CCL1: variants seen among roughly 807,000 people sequenced by gnomAD.
CCL1 encodes C-C motif chemokine ligand 1.
In CCL1, 9 loss-of-function variants were observed where a neutral mutation model predicts 7.5. The ratio of observed to expected loss-of-function variants is 1.20; its 90% CI spans 0.72 to 2.09. The LOEUF (loss-of-function observed/expected upper bound fraction) is 2.09, where lower values mean the gene tolerates loss of function less well. Among genes scored for constraint, CCL1 ranks in the 30% most tolerant of loss-of-function variants. CCL1 has a pLI of 0.00. For synonymous variants in CCL1, 48 were observed against 44.7 expected (o/e 1.07, Z -0.30); for missense variants, 110 against 113.7 (o/e 0.97, Z 0.15).
intron 1 of CCL1, among the ~76,000 whole-genome samples, chr17:34,362,217 T>C (rs969950498): frequency 1.3e-5 from 2 of 152,124 alleles, no homozygotes; most frequent in African/African-American, 4.8e-5. Context: ...GCTCATCCAG[T>C]TTTGGTATTT....
At position 34,360,626 on chromosome 17, in the gene CCL1, A is replaced by G; in HGVS notation, c.224T>C (p.Leu75Ser). 1.2e-6 allele frequency: 2 copies of G among 1,613,622 alleles called. No individual in the cohort carries two copies. The highest frequency in any genetic ancestry group is 1.7e-6 in the Non-Finnish European group (2 of 1,179,922). Residue 75 changes from leucine (L) to serine (S), a missense_variant, in exon 3 of 3, where the codon TTG (leucine) becomes TCG (serine). By Grantham distance (145) the Leu-to-Ser change is moderately radical. Coordinates refer to ENST00000225842, the MANE Select transcript of CCL1 (RefSeq NM_002981.2). ...KLKRGKEACA[L>S]DTVGWVQRHR... is the part of the protein sequence containing the mutation. ...CCTCTGAACCCATCCAACTGTGTCCAAGGCGCAGGCCTCTTTGCCTCTCTT... is the reference window on the plus strand; with the variant it reads ...CCTCTGAACCCATCCAACTGTGTCCGAGGCGCAGGCCTCTTTGCCTCTCTT...
At chr17:34,361,998 C>T (rs944565058) in intron 1 of CCL1, 102 bp from the exon 2 acceptor site, 15 of 727,416 alleles carry the variant, frequency 2.1e-5, no homozygotes, top group Middle Eastern at 4.9e-4. Context: ...CAGGACAAGC[C>T]CTGGCTTGGG....
At position 34,361,664 on chromosome 17, in the gene CCL1, T is replaced by A; in HGVS notation, c.188+121A>T. The A allele has an allele frequency of 7.2e-6, 5 of 691,060 alleles. 1 individual carries two copies. The South Asian group carries it at 7.9e-5, about 11-fold the overall frequency. The allele number at this position is 691,060 out of a possible 1,614,324, so 42.8% of individuals were successfully genotyped here. On this transcript the variant is annotated intron_variant, in intron 2 of 2. Coordinates refer to ENST00000225842, the MANE Select transcript of CCL1 (RefSeq NM_002981.2). ...CCAAGTGTGGCTTGCACCCAGGTGC[T>A]GGCAGCTCTGGGTTTAGAAACCTTA...
Position 34,361,795 on chromosome 17 carries a change from CATTGGAGCA to C in CCL1, c.169_177del (p.Cys57_Asn59del). The C allele has an allele frequency of 1.2e-6, 2 of 1,608,070 alleles. No individual in the cohort carries two copies. Among genetic ancestry groups the C allele is most frequent in the Non-Finnish European group, 8.5e-7 (1 of 1,174,578 alleles). ...CAGGTGATCACTTACATTAAGCCCT[CATTGGAGCA>C]GATGGAGCTGGTATTTCTGTAACAC... On this transcript the variant is annotated inframe_deletion, in exon 2 of 3. Coordinates refer to ENST00000225842, the MANE Select transcript of CCL1 (RefSeq NM_002981.2).
In CCL1 at chr17:34,361,862, A is replaced by C; in HGVS notation, c.111T>G (p.Phe37Leu). 6.2e-7 allele frequency: 1 copy of C among 1,612,974 alleles called. No individual in the cohort carries two copies. Among genetic ancestry groups the C allele is most frequent in the Non-Finnish European group, 8.5e-7 (1 of 1,178,984 alleles). ...CCCTCAGGGGAATCTCTTGCTCCGC[A>C]AATGAGAAGCAACATCTGGAGAAGG... ...QVPFSRCCFS[F>L]AEQEIPLRAI... Residue 37 changes from phenylalanine to leucine, a missense_variant, in exon 2 of 3, where the codon TTT becomes TTG. Transcript: ENST00000225842.
chr17:34,361,737 T>C (rs1176312373), intron 2 of CCL1, 48 bp downstream of exon 2: 1 of 1,213,346 alleles, frequency 8.2e-7, no homozygotes, highest in Non-Finnish European at 1.2e-6. Context: ...AATTCCAGGC[T>C]GGCGGGGTTC....
intron 1 of CCL1, among the ~76,000 whole-genome samples, chr17:34,362,459 C>A (rs555778358): frequency 2.0e-5 from 3 of 152,208 alleles, no homozygotes; most frequent in African/African-American, 7.2e-5. Flanking sequence ...CTGCCCTGGT[C>A]CTTAGCTCTT....
In CCL1 at chr17:34,361,973, CA is replaced by C. The variant is rs955103333; in HGVS notation, c.77-78del. The C allele has an allele frequency of 1.6e-4, 144 of 874,074 alleles. No homozygotes were observed. In the Admixed American group the frequency reaches 2.8e-3, roughly 17 times the overall value. The allele number at this position is 874,074 out of a possible 1,614,324, so 54.1% of individuals were successfully genotyped here. ...TGTAGCACAATTTTTAAAAAACAAA[CA>C]AAAAAACGCCTCCCAGGACAAGCCC... is the stretch of plus-strand genomic sequence containing the variant. On this transcript the variant is annotated intron_variant, in intron 1 of 2. Transcript: ENST00000225842.
chr17:34,363,229 A>G lies in CCL1; in HGVS notation c.-68T>C, dbSNP rs1910555185. On this transcript the variant is annotated 5_prime_UTR_variant, in exon 1 of 3. Coordinates refer to ENST00000225842, the MANE Select transcript of CCL1 (RefSeq NM_002981.2). ...AGCCTGGTGAAGCTAAGAGCTCACC[A>G]CTGTGCCGTCCTGCAATGCTGAGGG... 1.4e-6 allele frequency: 2 copies of G among 1,476,540 alleles called. No individual in the cohort carries two copies. Among genetic ancestry groups the G allele is most frequent in the Non-Finnish European group, 1.9e-6 (2 of 1,062,376 alleles). 91.5% of individuals were successfully genotyped at this position (1,476,540 alleles called of 1,614,324 possible).
At position 34,360,381 on chromosome 17, in the gene CCL1, T is replaced by C; in HGVS notation, c.*178A>G. ...TCTGAAATCCAAGAGACCCAGAGGG[T>C]TGGGGGTTGATGATTGTATAATTTA... On this transcript the variant is annotated 3_prime_UTR_variant, in exon 3 of 3. Coordinates refer to ENST00000225842, the MANE Select transcript of CCL1 (RefSeq NM_002981.2). 1.8e-6 allele frequency: 1 copy of C among 555,576 alleles called. No homozygotes were observed. Among genetic ancestry groups the C allele is most frequent in the Non-Finnish European group, 3.3e-6 (1 of 307,624 alleles). 34.4% of individuals were successfully genotyped at this position (555,576 alleles called of 1,614,324 possible). A position where few individuals can be genotyped will look rare whatever the true frequency, so the allele number is the denominator to read the frequency against.
chr17:34,363,102 A>G lies in CCL1; in HGVS notation c.60T>C (p.Asp20=), dbSNP rs1259353151. The G allele has an allele frequency of 1.4e-5, 22 of 1,612,972 alleles. No homozygotes were observed. The highest frequency in any genetic ancestry group is 1.6e-5 in the Non-Finnish European group (19 of 1,180,000). The part of the protein sequence containing the change: ...CLLLAGMWPE[D]VDSKSMQVPF... Reference sequence around the variant, plus strand: ...CACACTCACTGCTCTTGCTGTCCACATCTTCCGGCCACATCCCAGCTAGCA... The same window carrying G: ...CACACTCACTGCTCTTGCTGTCCACGTCTTCCGGCCACATCCCAGCTAGCA... Residue 20 remains aspartate (D), a synonymous_variant, in exon 1 of 3, where the codon GAT becomes GAC. Transcript: ENST00000225842.
intron 1 of CCL1, 90 bp from the exon 2 acceptor site, chr17:34,361,986 C>T: frequency 1.2e-6 from 1 of 826,000 alleles, no homozygotes; most frequent in Admixed American, 2.1e-5. Flanking sequence ...AAAAACGCCT[C>T]CCAGGACAAG....
At position 34,360,507 on chromosome 17, in the gene CCL1, G is replaced by A; in HGVS notation, c.*52C>T. ...GAATGGTGTAGGGCTGGTAGTTTCG[G>A]GGACAGGTGAAGCCATGTGGTTTCC... On this transcript the variant is annotated 3_prime_UTR_variant, in exon 3 of 3. Transcript: ENST00000225842. The A allele has an allele frequency of 7.3e-7, 1 of 1,366,640 alleles. No homozygotes were observed. Among genetic ancestry groups the A allele is most frequent in the Non-Finnish European group, 1.0e-6 (1 of 953,978 alleles). 84.7% of individuals were successfully genotyped at this position (1,366,640 alleles called of 1,614,324 possible).
chr17:34,362,518 A>G (rs942045701), intron 1 of CCL1, among the ~76,000 whole-genome samples: 2 of 151,834 alleles, frequency 1.3e-5, no homozygotes, highest in African/African-American at 4.8e-5. Flanking sequence ...CTCCTCCCAC[A>G]CCACATCCCG....
At chr17:34,362,016 T>C (rs1321819963) in intron 1 of CCL1, 120 bp from the exon 2 acceptor site, 1 of 616,352 alleles carries the variant, frequency 1.6e-6, no homozygotes, top group Admixed American at 2.6e-5. Context: ...GGGGACCACA[T>C]CCAGACGGTG....
chr17:34,360,731 C>G, intron 2 of CCL1, 70 bp from the exon 3 acceptor site: 1 of 1,190,822 alleles, frequency 8.4e-7, no homozygotes, highest in Non-Finnish European at 1.2e-6. Flanking sequence ...GCACAAGCCC[C>G]GCCTCCTCCG....
Position 34,363,165 on chromosome 17 carries a change from T to C in CCL1, c.-4A>G. 6.2e-7 allele frequency: 1 copy of C among 1,613,772 alleles called. No individual in the cohort carries two copies. Among genetic ancestry groups the C allele is most frequent in the Non-Finnish European group, 8.5e-7 (1 of 1,180,006 alleles). On this transcript the variant is annotated 5_prime_UTR_variant, in exon 1 of 3. Coordinates refer to ENST00000225842, the MANE Select transcript of CCL1 (RefSeq NM_002981.2). ...GGGCTGTGGTGATGATCTGCATGTC[T>C]TCTGGTCTGGCTTGGGCCTTCCTGG...
intron 1 of CCL1, among the ~76,000 whole-genome samples, chr17:34,362,592 T>G (rs147257844): frequency 4.6e-5 from 7 of 152,272 alleles, no homozygotes; most frequent in African/African-American, 1.7e-4. Context: ...CCCCCTTTCA[T>G]GCCTCTTACT....
chr17:34,360,508 G>T lies in CCL1; in HGVS notation c.*51C>A, dbSNP rs1471543392. On this transcript the variant is annotated 3_prime_UTR_variant, in exon 3 of 3. Transcript: ENST00000225842. ...AATGGTGTAGGGCTGGTAGTTTCGG[G>T]GACAGGTGAAGCCATGTGGTTTCCA... The T allele has an allele frequency of 7.3e-7, 1 of 1,372,052 alleles. No homozygotes were observed. The highest frequency in any genetic ancestry group is 1.0e-6 in the Non-Finnish European group (1 of 958,882). 85.0% of individuals were successfully genotyped at this position (1,372,052 alleles called of 1,614,324 possible).
Sources: allele counts gnomAD v4.1 joint callset (sites outside exome capture counted in the v4.1 genomes callset), GRCh38; gene constraint gnomAD v4.1.1; transcripts MANE v1.5; gene names NCBI Gene and HGNC (gene_info 2026-07-23, HGNC 2026-07-21).